The following PPARG variants were observed in gnomAD, a reference collection of about 807,000 sequenced individuals.
PPARG encodes peroxisome proliferator-activated receptor gamma.
Under a neutral mutation model 39.2 loss-of-function variants are expected in PPARG, and 17 were observed. That is an observed-to-expected ratio of 0.43 (90% CI 0.30 to 0.65). The LOEUF is 0.65. PPARG is among the 30% of genes least tolerant of loss of function. PPARG has a pLI of 0.13. For missense variants in PPARG, 406 were observed against 585.9 expected (o/e 0.69, Z 3.17); for synonymous variants, 223 against 215.7 (o/e 1.03, Z -0.30).
intron 2 of PPARG, chr3:12,328,260 G>A (rs1335861922): frequency 2.0e-6 from 3 of 1,511,552 alleles, no homozygotes; most frequent in Non-Finnish European, 2.7e-6. Flanking sequence ...GATGCTGATG[G>A]CACGAAGGGC....
intron 4 of PPARG, among the ~76,000 whole-genome samples, chr3:12,387,326 A>T (rs1161415113): frequency 6.6e-6 from 1 of 152,214 alleles, no homozygotes; most frequent in Non-Finnish European, 1.5e-5. Context: ...ACTAATTTAC[A>T]CTTCCACCAA....
At chr3:12,404,044 G>T (rs2050569722) in intron 5 of PPARG, among the ~76,000 whole-genome samples, 1 of 152,074 alleles carries the variant, frequency 6.6e-6, no homozygotes, top group Non-Finnish European at 1.5e-5. Context: ...AGGGGCTGGG[G>T]TCACCAGTAG....
intron 2 of PPARG, among the ~76,000 whole-genome samples, chr3:12,352,715 C>G (rs1257787529): frequency 6.6e-6 from 1 of 152,152 alleles, no homozygotes; most frequent in Non-Finnish European, 1.5e-5. Flanking sequence ...ATATTAGTCA[C>G]CGTTTTTAAA....
intron 2 of PPARG, among the ~76,000 whole-genome samples, chr3:12,325,659 T>C (rs1574993508): frequency 6.7e-6 from 1 of 150,238 alleles, no homozygotes; most frequent in Non-Finnish European, 1.5e-5. Flanking sequence ...GTCTTTTTTC[T>C]CCACTTTGAT....
At chr3:12,410,534 C>T (rs1161434434) in intron 6 of PPARG, among the ~76,000 whole-genome samples, 1 of 152,234 alleles carries the variant, frequency 6.6e-6, no homozygotes, top group African/African-American at 2.4e-5. Context: ...TGCACTCTGT[C>T]TGCAAATAAG....
At chr3:12,421,175 G>A (rs1575146908) in intron 7 of PPARG, among the ~76,000 whole-genome samples, 1 of 152,258 alleles carries the variant, frequency 6.6e-6, no homozygotes, top group East Asian at 1.9e-4. Context: ...GTCCCCTCTG[G>A]CCCTGGCCAG....
At chr3:12,426,396 G>T (rs1364486797) in intron 7 of PPARG, among the ~76,000 whole-genome samples, 1 of 152,198 alleles carries the variant, frequency 6.6e-6, no homozygotes, top group African/African-American at 2.4e-5. Context: ...CCTGAAAGCA[G>T]CAGCAGTAAA....
intron 2 of PPARG, among the ~76,000 whole-genome samples, chr3:12,351,240 T>C (rs943495930): frequency 3.3e-5 from 5 of 152,210 alleles, no homozygotes; most frequent in African/African-American, 4.8e-5. Context: ...CTCTGATAAT[T>C]CTAAATACAG....
chr3:12,406,344 A>T, intron 6 of PPARG: 1 of 461,110 alleles, frequency 2.2e-6, no homozygotes, highest in Non-Finnish European at 4.0e-6. Flanking sequence ...ACTTTAATGA[A>T]TGAACTTAAG....
intron 2 of PPARG, among the ~76,000 whole-genome samples, chr3:12,366,756 A>G (rs980828758): frequency 3.3e-5 from 5 of 152,198 alleles, no homozygotes; most frequent in Admixed American, 6.5e-5. Context: ...TCACTTGGCC[A>G]TGGTGTATAA....
intron 5 of PPARG, among the ~76,000 whole-genome samples, chr3:12,400,323 T>C (rs932004223): frequency 3.3e-5 from 5 of 152,240 alleles, no homozygotes; most frequent in African/African-American, 1.2e-4. Flanking sequence ...TTCTTAGCGT[T>C]ATACCCAGAT....
At chr3:12,414,549 C>T (rs1181072065) in intron 6 of PPARG, among the ~76,000 whole-genome samples, 2 of 151,992 alleles carry the variant, frequency 1.3e-5, no homozygotes, top group East Asian at 1.9e-4. Flanking sequence ...ACAAGAAACA[C>T]GTTTTCTCTA....
chr3:12,408,436 G>A (rs1488710138), intron 6 of PPARG, among the ~76,000 whole-genome samples: 3 of 152,104 alleles, frequency 2.0e-5, no homozygotes, highest in African/African-American at 7.2e-5. Context: ...GAAGACCTCT[G>A]CGTAGCTGAT....
At chr3:12,321,475 T>C (rs1268819889) in intron 2 of PPARG, among the ~76,000 whole-genome samples, 2 of 152,228 alleles carry the variant, frequency 1.3e-5, no homozygotes, top group Non-Finnish European at 2.9e-5. Flanking sequence ...AAAATCTTTC[T>C]GTATAGGAAC....
At chr3:12,327,994 A>G (rs2047741065) in intron 2 of PPARG, 1 of 843,372 alleles carries the variant, frequency 1.2e-6, no homozygotes, top group Non-Finnish European at 2.1e-6. Flanking sequence ...TGTTCTTAGA[A>G]CCTACTGTAT....
chr3:12,359,372 A>G (rs1447828401), intron 2 of PPARG, among the ~76,000 whole-genome samples: 2 of 152,180 alleles, frequency 1.3e-5, no homozygotes, highest in Non-Finnish European at 2.9e-5. Flanking sequence ...TCTAAGAAGC[A>G]AGGTTTATAA....
At chr3:12,341,449 G>A (rs934872052) in intron 2 of PPARG, among the ~76,000 whole-genome samples, 2 of 152,212 alleles carry the variant, frequency 1.3e-5, no homozygotes, top group African/African-American at 4.8e-5. Context: ...TTCCTTTCTT[G>A]TAGGAACTGT....
intron 2 of PPARG, among the ~76,000 whole-genome samples, chr3:12,319,112 A>G (rs1485794327): frequency 1.3e-5 from 2 of 152,206 alleles, no homozygotes; most frequent in East Asian, 1.9e-4. Context: ...TCTTTTGTTA[A>G]CAAGCCACAT....
At chr3:12,373,362 T>C (rs1281671863) in intron 2 of PPARG, among the ~76,000 whole-genome samples, 1 of 152,054 alleles carries the variant, frequency 6.6e-6, no homozygotes, top group Non-Finnish European at 1.5e-5. Context: ...GGCAAGCTGT[T>C]TTTCTTTCTT....
Sources: gnomAD v4.1 joint callset for allele counts (sites outside exome capture counted in the v4.1 genomes callset) on GRCh38, gnomAD v4.1.1 for gene constraint, MANE v1.5 for transcripts, NCBI Gene and HGNC (gene_info 2026-07-23, HGNC 2026-07-21) for gene names.